PLCH1: variants seen among roughly 807,000 people sequenced by gnomAD.
PLCH1 encodes 1-phosphatidylinositol 4,5-bisphosphate phosphodiesterase eta-1.
PLCH1 carries 60 observed loss-of-function variants against 126.7 expected under a neutral mutation model. The observed-to-expected ratio is 0.47, with a 90% CI of 0.38 to 0.59. The LOEUF (loss-of-function observed/expected upper bound fraction) is 0.59. Among genes scored for constraint, PLCH1 ranks in the 20% least tolerant of loss-of-function variants. The pLI is 0.00. For missense variants in PLCH1, 1,723 were observed against 2,040.0 expected, an observed-to-expected ratio of 0.84 and a Z score of 2.99; for synonymous variants, 719 against 734.9, an observed-to-expected ratio of 0.98 and a Z score of 0.35.
chr3:155,506,275 C>T (rs1465915294), intron 12 of PLCH1, among the ~76,000 whole-genome samples: 4 of 151,408 alleles, frequency 2.6e-5, no homozygotes, highest in African/African-American at 9.7e-5. Flanking sequence ...AAACAGGATT[C>T]TGTCTAGCTA....
At chr3:155,672,007 C>T (rs181185943) in intron 2 of PLCH1, among the ~76,000 whole-genome samples, 9 of 152,242 alleles carry the variant, frequency 5.9e-5, no homozygotes, top group Non-Finnish European at 1.2e-4. Flanking sequence ...TAACAAAAAA[C>T]TCTATTCACA....
chr3:155,615,901 C>T (rs879222627), intron 2 of PLCH1, among the ~76,000 whole-genome samples: 1 of 152,048 alleles, frequency 6.6e-6, no homozygotes, highest in Admixed American at 6.6e-5. Flanking sequence ...CACCTGTTCC[C>T]TAAATATTAT....
intron 2 of PLCH1, among the ~76,000 whole-genome samples, chr3:155,623,601 A>G (rs1577171304): frequency 1.3e-5 from 2 of 152,328 alleles, no homozygotes; most frequent in Admixed American, 1.3e-4. Context: ...ACAGAAATAC[A>G]AACTACATCA....
intron 2 of PLCH1, among the ~76,000 whole-genome samples, chr3:155,666,414 T>C (rs866543203): frequency 5.9e-5 from 9 of 152,232 alleles, no homozygotes; most frequent in Non-Finnish European, 1.0e-4. Context: ...TTCTTTGTAT[T>C]TTAAAATATT....
intron 1 of PLCH1, among the ~76,000 whole-genome samples, chr3:155,719,874 C>A (rs554634063): frequency 6.6e-6 from 1 of 152,162 alleles, no homozygotes; most frequent in African/African-American, 2.4e-5. Context: ...TGGCTCACTG[C>A]AACTTCCGCC....
chr3:155,724,948 G>T (rs1272910103), intron 1 of PLCH1, among the ~76,000 whole-genome samples: 1 of 151,734 alleles, frequency 6.6e-6, no homozygotes, highest in Admixed American at 6.6e-5. Context: ...GCTCCTTTTA[G>T]CAGTTCTTAC....
At chr3:155,581,139 G>A (rs551169684) in intron 6 of PLCH1, among the ~76,000 whole-genome samples, 1 of 152,214 alleles carries the variant, frequency 6.6e-6, no homozygotes, top group East Asian at 1.9e-4. Flanking sequence ...AAGAGCTAGT[G>A]GAAATTTATC....
chr3:155,666,080 G>T (rs1031041956), intron 2 of PLCH1, among the ~76,000 whole-genome samples: 3 of 152,096 alleles, frequency 2.0e-5, no homozygotes, highest in African/African-American at 2.4e-5. Flanking sequence ...TATTTAGGTT[G>T]CTCCCTTTTT....
intron 2 of PLCH1, among the ~76,000 whole-genome samples, chr3:155,613,828 G>A (rs1452910706): frequency 6.6e-6 from 1 of 151,880 alleles, no homozygotes; most frequent in Non-Finnish European, 1.5e-5. Flanking sequence ...AAAAAATAAA[G>A]GGCATCCAAA....
chr3:155,518,664 C>T (rs1224049628), intron 11 of PLCH1, among the ~76,000 whole-genome samples: 4 of 152,142 alleles, frequency 2.6e-5, no homozygotes. Flanking sequence ...GAAAAGAACT[C>T]CACGTCTCTA....
intron 2 of PLCH1, among the ~76,000 whole-genome samples, chr3:155,660,103 G>C (rs563677489): frequency 4.3e-4 from 66 of 152,264 alleles, no homozygotes; most frequent in African/African-American, 1.5e-3. Context: ...AGAATGGATG[G>C]ATCTCCTGAC....
chr3:155,658,032 G>C, intron 2 of PLCH1: 1 of 203,414 alleles, frequency 4.9e-6, no homozygotes, highest in South Asian at 9.8e-5. Context: ...AAAAGGAAAA[G>C]GTTCATGCAA....
chr3:155,586,017 T>C (rs750457272), intron 5 of PLCH1, 48 bp downstream of exon 5: 2 of 1,558,608 alleles, frequency 1.3e-6, no homozygotes, highest in Non-Finnish European at 1.8e-6. Flanking sequence ...AGTATGTTAA[T>C]AACCTCTGTG....
At chr3:155,472,246 A>G (rs1285093211) in intron 21 of PLCH1, among the ~76,000 whole-genome samples, 3 of 152,132 alleles carry the variant, frequency 2.0e-5, no homozygotes, top group African/African-American at 4.8e-5. Context: ...TAAAGGGGAT[A>G]TCACCACCGA....
At chr3:155,515,292 G>A (rs1354713360) in intron 11 of PLCH1, among the ~76,000 whole-genome samples, 1 of 152,188 alleles carries the variant, frequency 6.6e-6, no homozygotes, top group Non-Finnish European at 1.5e-5. Context: ...TATGCTATTT[G>A]ATGCTTTTAA....
At chr3:155,565,475 ACT>A (rs992498785) in intron 7 of PLCH1, among the ~76,000 whole-genome samples, 1 of 151,226 alleles carries the variant, frequency 6.6e-6, no homozygotes, top group African/African-American at 2.4e-5. Context: ...TCTCCACTCC[ACT>A]CTCTCTCCTG....
intron 21 of PLCH1, among the ~76,000 whole-genome samples, chr3:155,456,372 A>ATCTT (rs912804085): frequency 5.3e-5 from 8 of 152,090 alleles, no homozygotes; most frequent in Admixed American, 5.2e-4. Context: ...GGTTTAAGAA[A>ATCTT]GTTTACAAAT....
chr3:155,669,341 G>A (rs1743153743), intron 2 of PLCH1, among the ~76,000 whole-genome samples: 2 of 152,134 alleles, frequency 1.3e-5, no homozygotes, highest in African/African-American at 4.8e-5. Flanking sequence ...CATTCTGGGA[G>A]GCTAATGCAG....
intron 21 of PLCH1, among the ~76,000 whole-genome samples, chr3:155,459,903 A>G (rs1455268116): frequency 6.6e-6 from 1 of 152,228 alleles, no homozygotes; most frequent in African/African-American, 2.4e-5. Context: ...AGTGGTTATC[A>G]AAGTGTGGAC....
Sources: gnomAD v4.1 joint callset for allele counts (sites outside exome capture counted in the v4.1 genomes callset) on GRCh38, gnomAD v4.1.1 for gene constraint, MANE v1.5 for transcripts, NCBI Gene and HGNC (gene_info 2026-07-23, HGNC 2026-07-21) for gene names.